Variants in COL4A1 observed in about 807,000 individuals in gnomAD.
COL4A1 encodes collagen type IV alpha 1 chain.
In COL4A1, 40 loss-of-function variants were observed where a neutral mutation model predicts 216.6. The observed-to-expected ratio is 0.18, with a 90% CI of 0.14 to 0.24. The LOEUF (loss-of-function observed/expected upper bound fraction) is 0.24, where lower values mean the gene tolerates loss of function less well. COL4A1 is among the 10% of genes least tolerant of loss of function. The pLI is 1.00. For missense variants in COL4A1, 1,628 were observed against 2,196.8 expected (o/e 0.74, Z 5.18); for synonymous variants, 839 against 810.7 (o/e 1.03, Z -0.59).
At chr13:110,303,710 C>T (rs752401111) in intron 1 of COL4A1, among the ~76,000 whole-genome samples, 3 of 152,220 alleles carry the variant, frequency 2.0e-5, no homozygotes, top group Non-Finnish European at 2.9e-5. Context: ...CCTTCGATTC[C>T]CCTGATTGTG....
chr13:110,240,180 A>G (rs9521665), intron 2 of COL4A1, among the ~76,000 whole-genome samples: 21,645 of 152,182 alleles, frequency 0.14, 1,904 homozygotes, highest in Non-Finnish European at 0.21. Flanking sequence ...GCTTGCTAGC[A>G]TTTTATTTTA....
At chr13:110,301,305 G>C (rs1465326003) in intron 1 of COL4A1, among the ~76,000 whole-genome samples, 2 of 152,230 alleles carry the variant, frequency 1.3e-5, no homozygotes, top group Admixed American at 1.3e-4. Flanking sequence ...ATTAATTCCT[G>C]ATTTCCTCCT....
intron 1 of COL4A1, among the ~76,000 whole-genome samples, chr13:110,288,311 C>CAGCCTTGAATCGCTGCTACTATG (rs1226239806): frequency 1.3e-5 from 2 of 151,410 alleles, no homozygotes; most frequent in Non-Finnish European, 2.9e-5. Flanking sequence ...AGCCTGAGCG[C>CAGCCTTGAATCGCTGCTACTATG]AGCCTTGAAT....
At chr13:110,201,306 G>C (rs1879198676) in intron 19 of COL4A1, 132 bp downstream of exon 19, 5 of 616,540 alleles carry the variant, frequency 8.1e-6, no homozygotes, top group Non-Finnish European at 1.2e-5. Flanking sequence ...GGGGGCGGAG[G>C]AAGAGAAGGA....
At chr13:110,164,834 C>T in intron 46 of COL4A1, 28 bp downstream of exon 46, 1 of 1,612,306 alleles carries the variant, frequency 6.2e-7, no homozygotes, top group Non-Finnish European at 8.5e-7. Flanking sequence ...GCTCCCCATA[C>T]CGCCCTGCAC....
At chr13:110,169,041 T>TCA (rs34858383) in intron 43 of COL4A1, among the ~76,000 whole-genome samples, 4 of 151,350 alleles carry the variant, frequency 2.6e-5, no homozygotes, top group African/African-American at 9.7e-5. Flanking sequence ...AGAGCCAAAG[T>TCA]CACACACACA....
chr13:110,292,224 G>T (rs1884117666), intron 1 of COL4A1, among the ~76,000 whole-genome samples: 1 of 152,166 alleles, frequency 6.6e-6, no homozygotes, highest in African/African-American at 2.4e-5. Context: ...ATAAAAATCT[G>T]CTACCAAGGC....
chr13:110,193,212 G>C (rs964538359), intron 22 of COL4A1, among the ~76,000 whole-genome samples: 3 of 152,236 alleles, frequency 2.0e-5, no homozygotes, highest in Non-Finnish European at 2.9e-5. Context: ...GGCTGCCTCA[G>C]TAAAAAGTGG....
intron 50 of COL4A1, among the ~76,000 whole-genome samples, chr13:110,153,236 G>C (rs1271334956): frequency 6.6e-6 from 1 of 152,216 alleles, no homozygotes; most frequent in Non-Finnish European, 1.5e-5. Flanking sequence ...CTGATTCCCA[G>C]CTGAGGACAT....
intron 2 of COL4A1, among the ~76,000 whole-genome samples, chr13:110,214,869 TGA>T (rs1346203666): frequency 1.3e-5 from 2 of 152,210 alleles, no homozygotes; most frequent in East Asian, 3.8e-4. Flanking sequence ...AAGTCCACAG[TGA>T]GTGTCTGGAA....
chr13:110,166,179 T>C, intron 45 of COL4A1, 53 bp downstream of exon 45: 2 of 1,107,868 alleles, frequency 1.8e-6, no homozygotes, highest in Non-Finnish European at 2.8e-6. Context: ...TCCTGGCTTT[T>C]ACATTTTCAC....
At chr13:110,255,526 CA>C (rs1463540510) in intron 1 of COL4A1, among the ~76,000 whole-genome samples, 2 of 110,576 alleles carry the variant, frequency 1.8e-5, no homozygotes, top group African/African-American at 3.6e-5. Flanking sequence ...CCACCAGGAA[CA>C]GGGGGAAAGG....
intron 28 of COL4A1, among the ~76,000 whole-genome samples, chr13:110,182,747 T>C (rs568509845): frequency 1.3e-5 from 2 of 152,360 alleles, no homozygotes; most frequent in Non-Finnish European, 2.9e-5. Flanking sequence ...GCGGGCACCA[T>C]TGGTGGCAGT....
chr13:110,275,592 G>A (rs538562805), intron 1 of COL4A1, among the ~76,000 whole-genome samples: 1 of 152,328 alleles, frequency 6.6e-6, no homozygotes, highest in East Asian at 1.9e-4. Flanking sequence ...ACGAAACCCT[G>A]CACATGGATG....
intron 43 of COL4A1, among the ~76,000 whole-genome samples, chr13:110,168,926 G>A (rs1004786512): frequency 1.3e-5 from 2 of 152,178 alleles, no homozygotes; most frequent in Non-Finnish European, 2.9e-5. Flanking sequence ...TTGAATGAGC[G>A]AGCCACGTAA....
chr13:110,171,023 T>C (rs1877619465), intron 41 of COL4A1, among the ~76,000 whole-genome samples: 1 of 152,354 alleles, frequency 6.6e-6, no homozygotes, highest in South Asian at 2.1e-4. Flanking sequence ...GGCATCTGAA[T>C]TGTGTTTAAA....
intron 4 of COL4A1, 84 bp from the exon 5 acceptor site, chr13:110,212,702 C>T: frequency 6.6e-7 from 1 of 1,504,884 alleles, no homozygotes. Context: ...TTAATGGAGT[C>T]ATGCCCTCAT....
At chr13:110,206,931 C>G in intron 13 of COL4A1, 40 bp from the exon 14 acceptor site, 1 of 1,609,646 alleles carries the variant, frequency 6.2e-7, no homozygotes, top group Non-Finnish European at 8.5e-7. Flanking sequence ...TATCAAACAG[C>G]TGTATCATTT....
rs1409868711 is a variant in COL4A1 at position 110,210,219 on chromosome 13, G to A, written c.469-7C>T. The A allele has an allele frequency of 6.2e-7, 1 of 1,612,724 alleles. No individual in the cohort carries two copies. Among genetic ancestry groups the A allele is most frequent in the Non-Finnish European group, 8.5e-7 (1 of 1,179,644 alleles). On this transcript the variant is annotated splice_polypyrimidine_tract_variant and splice_region_variant and intron_variant, in intron 8 of 51. Transcript: ENST00000375820. Reference sequence around the variant, plus strand: ...GTATCTCACCTGGATCACCCTAGAGGATGAAGAAAGAAAATAGAAAGTTGC... The same window carrying A: ...GTATCTCACCTGGATCACCCTAGAGAATGAAGAAAGAAAATAGAAAGTTGC...
Sources: gnomAD v4.1 joint callset for allele counts (sites outside exome capture counted in the v4.1 genomes callset) on GRCh38, gnomAD v4.1.1 for gene constraint, MANE v1.5 for transcripts, NCBI Gene and HGNC (gene_info 2026-07-23, HGNC 2026-07-21) for gene names.